The following HDX variants were observed in gnomAD, a reference collection of about 807,000 sequenced individuals.
The protein encoded by HDX is highly divergent homeobox.
In HDX, 19 loss-of-function variants were observed where a neutral mutation model predicts 45.2. The ratio of observed to expected loss-of-function variants is 0.42; its 90% confidence interval spans 0.29 to 0.62. HDX has a LOEUF of 0.62. Ranked by LOEUF, HDX falls within the 20% of genes least tolerant of loss-of-function variation. HDX has a pLI of 0.20. For synonymous variants in HDX, 188 were observed against 172.8 expected (o/e 1.09, Z -0.69); for missense variants, 532 against 493.9 (o/e 1.08, Z -0.73).
intron 5 of HDX, among the ~76,000 whole-genome samples, chrX:84,424,183 T>C (rs1303129934): frequency 9.0e-6 from 1 of 110,560 alleles, no homozygotes; most frequent in Non-Finnish European, 1.9e-5. Flanking sequence ...CAGTAAACAA[T>C]CTGAAAAAGA....
At chrX:84,323,972 A>T (rs1473748669) in intron 10 of HDX, among the ~76,000 whole-genome samples, 1 of 112,555 alleles carries the variant, frequency 8.9e-6, no homozygotes, top group Non-Finnish European at 1.9e-5. Flanking sequence ...TCCCACTTGC[A>T]AAGTGGAGAA....
At chrX:84,369,528 C>T (rs2037842601) in intron 5 of HDX, among the ~76,000 whole-genome samples, 1 of 112,150 alleles carries the variant, frequency 8.9e-6, no homozygotes, top group African/African-American at 3.2e-5. Context: ...TCTCACATTC[C>T]CACTAACAGT....
Position 84,321,007 on chromosome X carries a change from C to T in HDX, c.*882G>A, listed in dbSNP as rs1180940542. 1.8e-5 allele frequency: 2 copies of T among 110,525 alleles called. No individual in the cohort carries two copies. The highest frequency in any genetic ancestry group is 3.8e-5 in the Non-Finnish European group (2 of 52,339). The allele number at this position is 110,525 out of a possible 1,213,427, so 9.1% of individuals were successfully genotyped here. ...CTAAATTTTTAAAAAATCTCAGCAGCTTACCTTGACTTCCTGTTTCATAAC... is the reference window on the plus strand; with the variant it reads ...CTAAATTTTTAAAAAATCTCAGCAGTTTACCTTGACTTCCTGTTTCATAAC... On this transcript the variant is annotated 3_prime_UTR_variant, in exon 11 of 11. Transcript: ENST00000373177.
intron 5 of HDX, among the ~76,000 whole-genome samples, chrX:84,425,196 A>T (rs867752206): frequency 8.0e-5 from 9 of 112,097 alleles, no homozygotes; most frequent in Non-Finnish European, 1.1e-4. Flanking sequence ...CATAAAAATG[A>T]CAGAGATATA....
intron 5 of HDX, chrX:84,440,277 A>T: frequency 3.9e-6 from 1 of 254,937 alleles, no homozygotes; most frequent in Non-Finnish European, 6.9e-6. Context: ...ATATTTTATG[A>T]ATTATTTTGG....
rs1306038431 is a variant in HDX at position 84,320,671 on chromosome X, A to G, written c.*1218T>C. The G allele has an allele frequency of 9.0e-6, 1 of 110,901 alleles. No individual in the cohort carries two copies. The highest frequency in any genetic ancestry group is 2.8e-4 in the East Asian group (1 of 3,532). The allele number at this position is 110,901 out of a possible 1,213,427, so 9.1% of individuals were successfully genotyped here. A position where few individuals can be genotyped will look rare whatever the true frequency, so the allele number is the denominator to read the frequency against. ...TTGCACACTGCCAAGTCACAAATAT[A>G]TGACACTGTGGGCTTAGGGAGAAAC... On this transcript the variant is annotated 3_prime_UTR_variant, in exon 11 of 11. Coordinates refer to ENST00000373177, the MANE Select transcript of HDX (RefSeq NM_001177479.2).
At chrX:84,365,793 T>A (rs1420996210) in intron 5 of HDX, among the ~76,000 whole-genome samples, 4 of 111,464 alleles carry the variant, frequency 3.6e-5, no homozygotes, top group Non-Finnish European at 7.5e-5. Flanking sequence ...AAAGAGTACG[T>A]GCGTTTAAAT....
chrX:84,478,858 CTAAA>C (rs2040610589), intron 2 of HDX, among the ~76,000 whole-genome samples: 1 of 110,563 alleles, frequency 9.0e-6, no homozygotes, highest in Non-Finnish European at 1.9e-5. Flanking sequence ...AACCCTGTCT[CTAAA>C]TAAATAAGCA....
At chrX:84,428,140 A>C (rs192489339) in intron 5 of HDX, among the ~76,000 whole-genome samples, 1 of 110,202 alleles carries the variant, frequency 9.1e-6, no homozygotes, top group Non-Finnish European at 1.9e-5. Context: ...TTGTTCCCTT[A>C]TCGAGTTTTG....
intron 5 of HDX, among the ~76,000 whole-genome samples, chrX:84,410,836 A>G (rs1241802170): frequency 9.0e-6 from 1 of 111,414 alleles, no homozygotes; most frequent in Non-Finnish European, 1.9e-5. Context: ...TACTGATTCA[A>G]TTTTGGAATT....
intron 5 of HDX, among the ~76,000 whole-genome samples, chrX:84,412,297 T>C (rs1049276662): frequency 1.8e-5 from 2 of 111,105 alleles, no homozygotes; most frequent in South Asian, 7.6e-4. Flanking sequence ...TGGCCAGTAA[T>C]GGTCTTTCTG....
chrX:84,424,609 A>G (rs190601752), intron 5 of HDX, among the ~76,000 whole-genome samples: 13 of 111,617 alleles, frequency 1.2e-4, no homozygotes, highest in Admixed American at 1.1e-3. Context: ...GCATAAGAAC[A>G]GACACATAAA....
chrX:84,464,146 T>A (rs2040296098), intron 4 of HDX, among the ~76,000 whole-genome samples: 1 of 110,906 alleles, frequency 9.0e-6, no homozygotes, highest in Non-Finnish European at 1.9e-5. Flanking sequence ...AATGGAGAAC[T>A]ACAAACCACT....
chrX:84,345,331 T>C (rs1366401376), intron 6 of HDX, among the ~76,000 whole-genome samples: 5 of 111,387 alleles, frequency 4.5e-5, no homozygotes, highest in Non-Finnish European at 7.6e-5. Context: ...ATCCCTAATC[T>C]GTTTTCTGTC....
At chrX:84,417,187 AGAG>A (rs2039125807) in intron 5 of HDX, among the ~76,000 whole-genome samples, 1 of 100,749 alleles carries the variant, frequency 9.9e-6, no homozygotes, top group African/African-American at 3.6e-5. Context: ...AGAAAGAAAG[AGAG>A]AGAAAGAAAG....
At chrX:84,398,051 A>T (rs1053136559) in intron 5 of HDX, among the ~76,000 whole-genome samples, 1 of 110,005 alleles carries the variant, frequency 9.1e-6, no homozygotes, top group Middle Eastern at 4.6e-3. Flanking sequence ...AGAGAAAGGA[A>T]GAGCAGTGTG....
At chrX:84,385,857 G>A (rs1367223213) in intron 5 of HDX, among the ~76,000 whole-genome samples, 2 of 54,085 alleles carry the variant, frequency 3.7e-5, no homozygotes, top group African/African-American at 8.0e-5. Flanking sequence ...TTTTTTTTTC[G>A]CCTGGTGGCT....
chrX:84,350,351 G>A (rs926290381), intron 6 of HDX, among the ~76,000 whole-genome samples: 1 of 110,944 alleles, frequency 9.0e-6, no homozygotes, highest in Non-Finnish European at 1.9e-5. Context: ...TATGGATTGA[G>A]GGTGTTTTGG....
At chrX:84,435,751 A>G (rs1415776802) in intron 5 of HDX, among the ~76,000 whole-genome samples, 2 of 108,926 alleles carry the variant, frequency 1.8e-5, no homozygotes, top group East Asian at 5.8e-4. Context: ...AGGTGTAAGG[A>G]AGGGATCATT....
Sources: allele counts gnomAD v4.1 joint callset (sites outside exome capture counted in the v4.1 genomes callset), GRCh38; gene constraint gnomAD v4.1.1; transcripts MANE v1.5; gene names NCBI Gene and HGNC (gene_info 2026-07-23, HGNC 2026-07-21).